GPC5: variants seen among roughly 807,000 people sequenced by gnomAD.
The protein encoded by GPC5 is glypican-5.
GPC5 carries 47 observed loss-of-function variants against 53.9 expected under a neutral mutation model. The observed-to-expected ratio is 0.87, with a 90% CI of 0.69 to 1.11. The LOEUF (loss-of-function observed/expected upper bound fraction) is 1.11, where lower values mean the gene tolerates loss of function less well. GPC5 is among the 50% of genes most tolerant of loss of function. GPC5 has a pLI of 0.00. For missense variants in GPC5, 748 were observed against 713.1 expected, an observed-to-expected ratio of 1.05 and a Z score of -0.56; for synonymous variants, 286 against 263.3, an observed-to-expected ratio of 1.09 and a Z score of -0.84.
intron 7 of GPC5, among the ~76,000 whole-genome samples, chr13:92,267,025 T>C (rs2042807017): frequency 6.6e-6 from 1 of 152,144 alleles, no homozygotes; most frequent in Non-Finnish European, 1.5e-5. Context: ...ATTTTTTCTT[T>C]GCTAAAATTG....
At chr13:92,851,415 T>C (rs1033218513) in intron 7 of GPC5, among the ~76,000 whole-genome samples, 8 of 152,186 alleles carry the variant, frequency 5.3e-5, no homozygotes, top group African/African-American at 1.9e-4. Flanking sequence ...CTTCTCTCAG[T>C]ATCTGCCTAG....
intron 7 of GPC5, among the ~76,000 whole-genome samples, chr13:92,393,266 A>T (rs908626054): frequency 3.3e-5 from 5 of 152,228 alleles, no homozygotes; most frequent in Non-Finnish European, 1.5e-5. Flanking sequence ...TTGGAGCTGG[A>T]GATCATTATT....
intron 1 of GPC5, among the ~76,000 whole-genome samples, chr13:91,436,466 G>A (rs1163177735): frequency 2.0e-5 from 3 of 152,132 alleles, no homozygotes; most frequent in African/African-American, 7.2e-5. Context: ...TTCAGGAGCA[G>A]GTTGTTCAGT....
intron 5 of GPC5, among the ~76,000 whole-genome samples, chr13:91,808,726 T>C (rs1002171302): frequency 2.6e-5 from 4 of 152,278 alleles, no homozygotes; most frequent in Admixed American, 6.5e-5. Context: ...AAGTGATACC[T>C]TCAAACTACT....
chr13:92,777,382 C>A (rs1372808015), intron 7 of GPC5, among the ~76,000 whole-genome samples: 1 of 147,454 alleles, frequency 6.8e-6, no homozygotes, highest in Admixed American at 6.9e-5. Context: ...TGCCTGTAAT[C>A]CCAGTACTTT....
chr13:92,757,639 AAAAC>A (rs1168391886), intron 7 of GPC5, among the ~76,000 whole-genome samples: 5 of 152,142 alleles, frequency 3.3e-5, no homozygotes, highest in South Asian at 4.2e-4. Flanking sequence ...TTACAAGAAA[AAAAC>A]AAACAACCCC....
In GPC5 at chr13:92,579,168, G is replaced by A. The variant is rs558373740; in HGVS notation, c.1562-287114G>A. On this transcript the variant is annotated intron_variant, in intron 7 of 7. Transcript: ENST00000377067. ...AAAAAGAAAGAAATAGGGTAAGGTC[G>A]GATTCAAGCAGGTAGAAGGGCCGTC... 5.9e-5 allele frequency among the ~76,000 whole-genome samples: 9 copies of A among 151,980 alleles called. No individual in the cohort carries two copies. The South Asian group carries it at 1.0e-3, about 18-fold the overall frequency.
chr13:92,178,451 A>G (rs886612826), intron 7 of GPC5, among the ~76,000 whole-genome samples: 1 of 150,072 alleles, frequency 6.7e-6, no homozygotes, highest in Non-Finnish European at 1.5e-5. Context: ...ATACATATAT[A>G]CCAGCAGTAT....
chr13:91,753,838 T>A (rs1162095004), intron 4 of GPC5, among the ~76,000 whole-genome samples: 1 of 152,180 alleles, frequency 6.6e-6, no homozygotes, highest in Non-Finnish European at 1.5e-5. Flanking sequence ...TTTGTAAATA[T>A]CTTCTGATTC....
intron 7 of GPC5, among the ~76,000 whole-genome samples, chr13:92,711,281 C>T (rs887636280): frequency 6.6e-6 from 1 of 152,088 alleles, no homozygotes; most frequent in South Asian, 2.1e-4. Context: ...TTATACAATC[C>T]ACAACACTTT....
intron 7 of GPC5, among the ~76,000 whole-genome samples, chr13:92,434,718 T>C (rs1216897312): frequency 6.6e-6 from 1 of 152,136 alleles, no homozygotes; most frequent in African/African-American, 2.4e-5. Context: ...GTCAAGCCCC[T>C]TATTAAGAAA....
At chr13:91,677,894 C>T (rs548245998) in intron 2 of GPC5, among the ~76,000 whole-genome samples, 2 of 152,254 alleles carry the variant, frequency 1.3e-5, no homozygotes, top group Non-Finnish European at 2.9e-5. Context: ...ATTCTTTCTG[C>T]TTTTGACTAT....
intron 1 of GPC5, among the ~76,000 whole-genome samples, chr13:91,414,842 G>A (rs12385884): frequency 0.031 from 4,787 of 152,228 alleles, 265 homozygotes; most frequent in African/African-American, 0.11. Flanking sequence ...AACTATGAAG[G>A]TGGGTTGGGG....
intron 7 of GPC5, among the ~76,000 whole-genome samples, chr13:92,517,900 A>G (rs1415948115): frequency 6.6e-6 from 1 of 152,220 alleles, no homozygotes; most frequent in Admixed American, 6.5e-5. Flanking sequence ...GGAAGTTCAA[A>G]CCCAATGCAA....
At chr13:91,505,716 C>T (rs1234787879) in intron 2 of GPC5, among the ~76,000 whole-genome samples, 1 of 152,168 alleles carries the variant, frequency 6.6e-6, no homozygotes, top group Non-Finnish European at 1.5e-5. Flanking sequence ...GCCCGTTTTA[C>T]TTTTTGTGTC....
intron 7 of GPC5, among the ~76,000 whole-genome samples, chr13:92,622,672 C>T (rs946943697): frequency 6.6e-6 from 1 of 152,028 alleles, no homozygotes; most frequent in Non-Finnish European, 1.5e-5. Context: ...TCAGGCAGTC[C>T]TCCTTCCTTA....
At position 91,706,870 on chromosome 13, in the gene GPC5, C is replaced by T. The variant is rs569993931; in HGVS notation, c.1020+12989C>T. 5.3e-5 allele frequency among the ~76,000 whole-genome samples: 8 copies of T among 151,810 alleles called. No individual in the cohort carries two copies. In the East Asian group the frequency reaches 5.8e-4, roughly 11 times the overall value. ...AAAGAATGCAATCCATAGTGAATAT[C>T]GAGTAGTTAGGAATGTGCCAAATAG... On this transcript the variant is annotated intron_variant, in intron 3 of 7. Transcript: ENST00000377067.
chr13:91,724,742 G>T (rs2036542868), intron 3 of GPC5, among the ~76,000 whole-genome samples: 2 of 152,074 alleles, frequency 1.3e-5, no homozygotes, highest in Non-Finnish European at 2.9e-5. Flanking sequence ...CTATAGTCCA[G>T]CTACTCTGTA....
At chr13:92,636,690 A>G (rs1885414632) in intron 7 of GPC5, among the ~76,000 whole-genome samples, 1 of 152,144 alleles carries the variant, frequency 6.6e-6, no homozygotes, top group Non-Finnish European at 1.5e-5. Flanking sequence ...CCTGTATTCC[A>G]CACGAATGGA....
Sources: allele counts gnomAD v4.1 joint callset (sites outside exome capture counted in the v4.1 genomes callset), GRCh38; gene constraint gnomAD v4.1.1; transcripts MANE v1.5; gene names NCBI Gene and HGNC (gene_info 2026-07-23, HGNC 2026-07-21).